GLMN: variants seen among roughly 807,000 people sequenced by gnomAD.
GLMN encodes glomulin.
Under a neutral mutation model 87.8 loss-of-function variants are expected in GLMN, and 75 were observed. That is an observed-to-expected ratio of 0.85 (90% CI 0.71 to 1.04). GLMN has a LOEUF of 1.04. Ranked by LOEUF, GLMN falls within the 50% of genes least tolerant of loss-of-function variation. The pLI is 0.00. For missense variants in GLMN, 588 were observed against 658.8 expected, an observed-to-expected ratio of 0.89 and a Z score of 1.18; for synonymous variants, 206 against 221.6, an observed-to-expected ratio of 0.93 and a Z score of 0.63.
chr1:92,321,135 A>G, the GLMN span, among the ~76,000 whole-genome samples: 1 of 152,206 alleles, frequency 6.6e-6, no homozygotes, highest in Non-Finnish European at 1.5e-5. Flanking sequence ...CTTAACTCTC[A>G]GAATAAATGT....
intron 5 of GLMN, among the ~76,000 whole-genome samples, 200 bp from the exon 6 acceptor site, chr1:92,289,351 T>C (rs1649136658): frequency 6.6e-6 from 1 of 152,242 alleles, no homozygotes; most frequent in African/African-American, 2.4e-5. Flanking sequence ...CATGAAATGC[T>C]GTTTAGGTTA....
chr1:92,318,199 CT>C, the GLMN span, among the ~76,000 whole-genome samples: 1 of 152,188 alleles, frequency 6.6e-6, no homozygotes, highest in Non-Finnish European at 1.5e-5. Context: ...TCCAGTCATA[CT>C]TTTTTTCTAT....
At chr1:92,363,807 A>AT in the GLMN span, 36 of 272,146 alleles carry the variant, frequency 1.3e-4, no homozygotes, top group South Asian at 2.3e-4. Context: ...TTTGCTTAAC[A>AT]TTTTTTTTCC....
At chr1:92,317,684 T>G in the GLMN span, among the ~76,000 whole-genome samples, 1 of 152,150 alleles carries the variant, frequency 6.6e-6, no homozygotes, top group Non-Finnish European at 1.5e-5. Flanking sequence ...TAAAAATGTA[T>G]TAAACGGTAA....
Position 92,288,871 on chromosome 1 carries a change from ATTAC to A in GLMN, c.632+39_632+42del, listed in dbSNP as rs756214612. 21 of 930,632 alleles carry A rather than the reference ATTAC, an allele frequency of 2.3e-5. No homozygotes were observed. The East Asian group carries it at 4.8e-4, about 21-fold the overall frequency. The allele number at this position is 930,632 out of a possible 1,614,324, so 57.6% of individuals were successfully genotyped here. On this transcript the variant is annotated intron_variant, in intron 6 of 18. Coordinates refer to ENST00000370360, the MANE Select transcript of GLMN (RefSeq NM_053274.3). ...GAAACATAAAATAACTGAACTATCA[ATTAC>A]TTAAGTCCACTGTGAGATGTTCTTA...
chr1:92,311,192 C>G, the GLMN span, among the ~76,000 whole-genome samples: 1 of 152,110 alleles, frequency 6.6e-6, no homozygotes, highest in Non-Finnish European at 1.5e-5. Context: ...CTGTAGGAAA[C>G]CTGCTTCTCA....
At chr1:92,338,985 C>A in the GLMN span, among the ~76,000 whole-genome samples, 1 of 152,116 alleles carries the variant, frequency 6.6e-6, no homozygotes, top group African/African-American at 2.4e-5. Context: ...TCTGAGCAAA[C>A]CGATAAAGTT....
the GLMN span, among the ~76,000 whole-genome samples, chr1:92,314,082 C>G: frequency 6.6e-6 from 1 of 152,176 alleles, no homozygotes; most frequent in African/African-American, 2.4e-5. Context: ...AGCAATAAGG[C>G]TGTTTTGCTT....
At chr1:92,309,540 CATA>C in the GLMN span, among the ~76,000 whole-genome samples, 1 of 4,136 alleles carries the variant, frequency 2.4e-4, no homozygotes, top group African/African-American at 5.4e-3. Context: ...AGGCTACACA[CATA>C]CACATACACA....
the GLMN span, among the ~76,000 whole-genome samples, chr1:92,326,199 A>G: frequency 6.6e-6 from 1 of 152,004 alleles, no homozygotes; most frequent in Non-Finnish European, 1.5e-5. Flanking sequence ...TGATATAGTT[A>G]GTTTTAGCCA....
upstream of GLMN, among the ~76,000 whole-genome samples, chr1:92,303,819 A>C (rs993592438): frequency 6.6e-6 from 1 of 151,972 alleles, no homozygotes; most frequent in African/African-American, 2.4e-5. Context: ...TCTCTAAGTG[A>C]TTTTGCTTTA....
chr1:92,315,013 C>G, the GLMN span, among the ~76,000 whole-genome samples: 1 of 151,654 alleles, frequency 6.6e-6, no homozygotes, highest in African/African-American at 2.4e-5. Flanking sequence ...CCACTGCACT[C>G]CAGCCTGGGT....
rs191381632 is a variant in GLMN, at chr1:92,255,575, G to A, written c.1473+7288C>T. 3.4e-4 allele frequency among the ~76,000 whole-genome samples: 52 copies of A among 152,300 alleles called. No homozygotes were observed. In the Middle Eastern group the frequency reaches 0.014, roughly 40 times the overall value. On this transcript the variant is annotated intron_variant, in intron 16 of 18. Transcript: ENST00000370360. ...GTAACAAACTGTCTCTTAGACCACA[G>A]TGCAATCAAAGTAGAACTCAGGATT...
At chr1:92,337,956 C>A in the GLMN span, among the ~76,000 whole-genome samples, 1 of 152,144 alleles carries the variant, frequency 6.6e-6, no homozygotes, top group Middle Eastern at 3.4e-3. Flanking sequence ...TTAACCTATT[C>A]CCAAGATATG....
chr1:92,280,121 T>C (rs1037819198), intron 7 of GLMN, among the ~76,000 whole-genome samples: 1 of 152,222 alleles, frequency 6.6e-6, no homozygotes, highest in African/African-American at 2.4e-5. Flanking sequence ...TCTCTCAGCA[T>C]AGCATTCGAG....
the GLMN span, among the ~76,000 whole-genome samples, chr1:92,370,167 G>A: frequency 6.6e-6 from 1 of 152,254 alleles, no homozygotes; most frequent in Non-Finnish European, 1.5e-5. Flanking sequence ...TTACAGGCAT[G>A]AGCCACTGTG....
At chr1:92,268,304 C>G (rs1161959877) in intron 9 of GLMN, among the ~76,000 whole-genome samples, 169 bp from the exon 10 acceptor site, 1 of 152,186 alleles carries the variant, frequency 6.6e-6, no homozygotes, top group Non-Finnish European at 1.5e-5. Flanking sequence ...CATCTTTGAT[C>G]TGTCTTTCGG....
chr1:92,356,592 T>G, the GLMN span, among the ~76,000 whole-genome samples: 1 of 150,378 alleles, frequency 6.6e-6, no homozygotes, highest in Admixed American at 6.6e-5. Flanking sequence ...CTAATTTTTT[T>G]TTTTTTTTTT....
chr1:92,280,863 T>A (rs747922620), intron 7 of GLMN, among the ~76,000 whole-genome samples: 12 of 152,066 alleles, frequency 7.9e-5, no homozygotes, highest in Non-Finnish European at 1.3e-4. Flanking sequence ...GAAGAAAGGG[T>A]ATCAGTGACT....
Sources: gnomAD v4.1 joint callset for allele counts (sites outside exome capture counted in the v4.1 genomes callset) on GRCh38, gnomAD v4.1.1 for gene constraint, MANE v1.5 for transcripts, NCBI Gene and HGNC (gene_info 2026-07-23, HGNC 2026-07-21) for gene names.